Variants in ARHGAP6 observed in about 807,000 individuals in gnomAD.
ARHGAP6 encodes the protein rho GTPase-activating protein 6.
ARHGAP6 carries 16 observed loss-of-function variants against 55.7 expected under a neutral mutation model. That is an observed-to-expected ratio of 0.29 (90% CI 0.19 to 0.44). The LOEUF (loss-of-function observed/expected upper bound fraction) is 0.44. Among genes scored for constraint, ARHGAP6 ranks in the 20% least tolerant of loss-of-function variants. The pLI, the probability that ARHGAP6 is intolerant of heterozygous loss-of-function variation, is 1.00. For synonymous variants in ARHGAP6, 382 were observed against 360.9 expected, an observed-to-expected ratio of 1.06 and a Z score of -0.66; for missense variants, 698 against 808.9, an observed-to-expected ratio of 0.86 and a Z score of 1.66.
At chrX:11,653,319 C>T (rs1426954360) in intron 1 of ARHGAP6, among the ~76,000 whole-genome samples, 1 of 112,130 alleles carries the variant, frequency 8.9e-6, no homozygotes, top group African/African-American at 3.2e-5. Flanking sequence ...TGTTCCAAGT[C>T]ACTAGGCCAA....
At chrX:11,406,369 C>G (rs1031203940) in intron 1 of ARHGAP6, among the ~76,000 whole-genome samples, 1 of 111,544 alleles carries the variant, frequency 9.0e-6, no homozygotes. Flanking sequence ...AAATACTTGA[C>G]AGCATGTAAG....
intron 1 of ARHGAP6, chrX:11,427,535 T>G (rs1409927356): frequency 4.7e-5 from 44 of 935,547 alleles, no homozygotes; most frequent in Non-Finnish European, 5.8e-5. Flanking sequence ...TCTGCACGCG[T>G]CAGGACACTC....
At chrX:11,361,883 A>G (rs2049016459) in intron 1 of ARHGAP6, among the ~76,000 whole-genome samples, 2 of 112,530 alleles carry the variant, frequency 1.8e-5, no homozygotes, top group South Asian at 3.7e-4. Context: ...ACATTTATGC[A>G]GCCAAAAGAC....
At chrX:11,410,170 A>G (rs1248288235) in intron 1 of ARHGAP6, among the ~76,000 whole-genome samples, 2 of 112,436 alleles carry the variant, frequency 1.8e-5, no homozygotes, top group African/African-American at 6.5e-5. Context: ...AAACATATAC[A>G]CAGAAGTCCA....
chrX:11,591,085 C>A (rs1032251257), intron 1 of ARHGAP6, among the ~76,000 whole-genome samples: 1 of 107,464 alleles, frequency 9.3e-6, no homozygotes, highest in Non-Finnish European at 1.9e-5. Flanking sequence ...CCAGCTACTC[C>A]GGAGGCTGAG....
intron 1 of ARHGAP6, chrX:11,318,730 A>T (rs2048390136): frequency 8.8e-6 from 1 of 113,824 alleles, no homozygotes; most frequent in South Asian, 3.6e-4. Flanking sequence ...GAAGGATAAA[A>T]CACAAATGAA....
At chrX:11,312,608 T>G (rs1390831237) in intron 1 of ARHGAP6, among the ~76,000 whole-genome samples, 1 of 111,490 alleles carries the variant, frequency 9.0e-6, no homozygotes, top group Non-Finnish European at 1.9e-5. Context: ...GCCTCCCACA[T>G]CTTTAGAGGT....
chrX:11,477,894 T>C (rs1458133697), intron 1 of ARHGAP6, among the ~76,000 whole-genome samples: 2 of 111,967 alleles, frequency 1.8e-5, no homozygotes, highest in Non-Finnish European at 3.8e-5. Context: ...GTGATGGAAA[T>C]ATTTGATATC....
chrX:11,164,656 C>G (rs1857680141), intron 9 of ARHGAP6, among the ~76,000 whole-genome samples: 1 of 112,134 alleles, frequency 8.9e-6, no homozygotes, highest in Admixed American at 9.4e-5. Flanking sequence ...CCAGTTCAGG[C>G]TGACAACTCA....
intron 10 of ARHGAP6, among the ~76,000 whole-genome samples, chrX:11,151,251 T>C (rs1469649312): frequency 6.5e-5 from 7 of 107,593 alleles, no homozygotes; most frequent in Non-Finnish European, 1.9e-5. Flanking sequence ...AAAATCAAAG[T>C]CTTGCTTTCT....
At chrX:11,552,597 TATAG>T (rs1366456841) in intron 1 of ARHGAP6, among the ~76,000 whole-genome samples, 35 of 59,912 alleles carry the variant, frequency 5.8e-4, no homozygotes, top group East Asian at 1.3e-3. Context: ...TATATATATA[TATAG>T]ACACACACAC....
At chrX:11,645,304 C>G (rs1429662298) in intron 1 of ARHGAP6, among the ~76,000 whole-genome samples, 4 of 110,849 alleles carry the variant, frequency 3.6e-5, no homozygotes, top group Non-Finnish European at 7.6e-5. Flanking sequence ...GAATTATACT[C>G]CAAAAGAAAA....
chrX:11,384,980 A>C (rs1024833955), intron 1 of ARHGAP6, among the ~76,000 whole-genome samples: 1 of 112,419 alleles, frequency 8.9e-6, no homozygotes, highest in African/African-American at 3.2e-5. Flanking sequence ...GAAATTTTCA[A>C]TAAAAATTAC....
At chrX:11,362,003 C>A (rs1291525852) in intron 1 of ARHGAP6, among the ~76,000 whole-genome samples, 6 of 111,761 alleles carry the variant, frequency 5.4e-5, no homozygotes, top group African/African-American at 2.0e-4. Flanking sequence ...AGTCAGGAAA[C>A]AACAGGTGCT....
intron 3 of ARHGAP6, among the ~76,000 whole-genome samples, chrX:11,192,910 GAC>G (rs1334510780): frequency 8.9e-6 from 1 of 112,197 alleles, no homozygotes; most frequent in Non-Finnish European, 1.9e-5. Context: ...AATTACTTTT[GAC>G]ACAGAAATTT....
chrX:11,449,651 G>A (rs2050125331), intron 1 of ARHGAP6, among the ~76,000 whole-genome samples: 1 of 112,059 alleles, frequency 8.9e-6, no homozygotes, highest in African/African-American at 3.2e-5. Context: ...AAGTTCCCCT[G>A]AAAGCATGAG....
intron 1 of ARHGAP6, among the ~76,000 whole-genome samples, chrX:11,428,595 G>A (rs2049913156): frequency 8.9e-6 from 1 of 111,890 alleles, no homozygotes; most frequent in Non-Finnish European, 1.9e-5. Flanking sequence ...GCAAGCCCCA[G>A]AGGGGTGGCT....
chrX:11,576,840 G>A (rs1218277322), intron 1 of ARHGAP6, among the ~76,000 whole-genome samples: 2 of 108,932 alleles, frequency 1.8e-5, no homozygotes, highest in Non-Finnish European at 3.8e-5. Flanking sequence ...AAGAGGCAGA[G>A]TTGCATTCCT....
At chrX:11,225,668 G>A in intron 2 of ARHGAP6, 1 of 602,567 alleles carries the variant, frequency 1.7e-6, no homozygotes, top group Admixed American at 3.3e-5. Context: ...TGTGCTTCTA[G>A]AGAATATTTC....
Sources: gnomAD v4.1 joint callset for allele counts (sites outside exome capture counted in the v4.1 genomes callset) on GRCh38, gnomAD v4.1.1 for gene constraint, MANE v1.5 for transcripts, NCBI Gene and HGNC (gene_info 2026-07-23, HGNC 2026-07-21) for gene names.